The following CBX5 variants were observed in gnomAD, a reference collection of about 807,000 sequenced individuals.
CBX5 encodes chromobox 5.
In CBX5, 7 loss-of-function variants were observed where a neutral mutation model predicts 20.7. The ratio of observed to expected loss-of-function variants is 0.34; its 90% confidence interval spans 0.19 to 0.63. The LOEUF (loss-of-function observed/expected upper bound fraction) is 0.63. CBX5 is among the 30% of genes least tolerant of loss of function. The probability of loss-of-function intolerance (pLI) is 0.75; values close to 1 mark genes in which losing one functional copy is unlikely to be tolerated. For missense variants in CBX5, 110 were observed against 224.1 expected (o/e 0.49, Z 3.25); for synonymous variants, 78 against 77.0 (o/e 1.01, Z -0.07).
chr12:54,243,039 A>G (rs1943694611), intron 4 of CBX5, among the ~76,000 whole-genome samples: 1 of 152,030 alleles, frequency 6.6e-6, no homozygotes, highest in Non-Finnish European at 1.5e-5. Flanking sequence ...TGGGAGGATC[A>G]CTTGGGCTTG....
chr12:54,261,106 G>A (rs978262796), intron 1 of CBX5, among the ~76,000 whole-genome samples: 2 of 149,858 alleles, frequency 1.3e-5, no homozygotes, highest in Non-Finnish European at 3.0e-5. Context: ...CAGGAGAATC[G>A]CTTGAACCTG....
intron 2 of CBX5, 152 bp from the exon 3 acceptor site, chr12:54,252,379 C>A (rs1943815221): frequency 7.1e-6 from 3 of 419,990 alleles, no homozygotes; most frequent in East Asian, 3.8e-5. Context: ...TCCTAGATTT[C>A]TACCCAGGAA....
intron 2 of CBX5, among the ~76,000 whole-genome samples, chr12:54,254,658 T>C (rs1488992000): frequency 6.6e-6 from 1 of 151,836 alleles, no homozygotes; most frequent in Non-Finnish European, 1.5e-5. Flanking sequence ...GTCGAGACCA[T>C]CCTGGCCAAC....
chr12:54,253,917 A>T (rs1943835079), intron 2 of CBX5, among the ~76,000 whole-genome samples: 1 of 151,444 alleles, frequency 6.6e-6, no homozygotes. Context: ...TGCGCCACCA[A>T]TTTTTGTATT....
intron 4 of CBX5, among the ~76,000 whole-genome samples, chr12:54,244,317 TATA>T (rs754472064): frequency 6.0e-4 from 91 of 151,942 alleles, no homozygotes; most frequent in Non-Finnish European, 1.2e-3. Flanking sequence ...CGGCCTTGAT[TATA>T]CAACTTTTAA....
chr12:54,252,926 A>G (rs771924018), intron 2 of CBX5, among the ~76,000 whole-genome samples: 13 of 146,728 alleles, frequency 8.9e-5, no homozygotes, highest in Admixed American at 3.5e-4. Flanking sequence ...GGGAGGTTGC[A>G]GTGAGCTGAG....
At chr12:54,258,938 T>C (rs963105549) in intron 1 of CBX5, among the ~76,000 whole-genome samples, 3 of 152,064 alleles carry the variant, frequency 2.0e-5, no homozygotes, top group Non-Finnish European at 2.9e-5. Context: ...CACTTCAAAT[T>C]AGCAAAATTT....
intron 4 of CBX5, among the ~76,000 whole-genome samples, chr12:54,243,868 C>CA (rs903484058): frequency 6.8e-4 from 104 of 152,008 alleles, no homozygotes; most frequent in African/African-American, 2.4e-3. Flanking sequence ...GACGCTGTCT[C>CA]AAAAAAACAA....
At chr12:54,260,446 A>C (rs1009736735) in intron 1 of CBX5, among the ~76,000 whole-genome samples, 1 of 152,090 alleles carries the variant, frequency 6.6e-6, no homozygotes, top group African/African-American at 2.4e-5. Context: ...GTGAGCCTAG[A>C]TCGCACCACT....
At chr12:54,246,983 T>C (rs1943744149) in intron 3 of CBX5, among the ~76,000 whole-genome samples, 1 of 152,110 alleles carries the variant, frequency 6.6e-6, no homozygotes, top group Non-Finnish European at 1.5e-5. Flanking sequence ...TCAATCTTTA[T>C]TTTTTTAGAC....
rs1943636501 is a variant in CBX5 at position 54,237,618 on chromosome 12, G to A, written c.*4137C>T. ...GAAAAATTTAGAAATATAGCATTGTGAGCAAAAAACAGAAGCTTGTTTTGG... is the reference window on the plus strand; with the variant it reads ...GAAAAATTTAGAAATATAGCATTGTAAGCAAAAAACAGAAGCTTGTTTTGG... On this transcript the variant is annotated 3_prime_UTR_variant, in exon 5 of 5. Transcript: ENST00000209875. 1 of 152,786 alleles carries A rather than the reference G, an allele frequency of 6.5e-6. No homozygotes were observed. 9.5% of individuals were successfully genotyped at this position (152,786 alleles called of 1,614,324 possible).
In CBX5 at chr12:54,260,033, G is replaced by A. The variant is rs920541568; in HGVS notation, c.-42-2341C>T. ...TGTCACAGAACAGTTAATTAAAATT[G>A]CTTGAGGGGAAAAATAACAGGAAAC... On this transcript the variant is annotated intron_variant, in intron 1 of 4. Transcript: ENST00000209875. Among the ~76,000 whole-genome samples, 12 of 151,862 alleles carry A rather than the reference G, an allele frequency of 7.9e-5. 1 individual carries two copies. Among genetic ancestry groups the A allele is most frequent in the African/African-American group, 2.9e-4 (12 of 41,302 alleles).
Position 54,257,822 on chromosome 12 carries a change from A to G in CBX5, c.-42-130T>C, listed in dbSNP as rs1203466242. The G allele has an allele frequency of 7.9e-6, 5 of 632,160 alleles. No individual in the cohort carries two copies. The South Asian group carries it at 9.8e-5, about 12-fold the overall frequency. 39.2% of individuals were successfully genotyped at this position (632,160 alleles called of 1,614,324 possible). A position where few individuals can be genotyped will look rare whatever the true frequency, so the allele number is the denominator to read the frequency against. ...CTGCTCTTGAGTCTCAAATCATTCTACAGATGAGTCCTAAGAGTTTAATTT... is the reference window on the plus strand; with the variant it reads ...CTGCTCTTGAGTCTCAAATCATTCTGCAGATGAGTCCTAAGAGTTTAATTT... On this transcript the variant is annotated intron_variant, in intron 1 of 4. Transcript: ENST00000209875.
At chr12:54,277,147 C>T (rs906022713) in intron 1 of CBX5, 1 of 152,228 alleles carries the variant, frequency 6.6e-6, no homozygotes, top group East Asian at 1.9e-4. Flanking sequence ...ATTATCCCGT[C>T]TCAGCCTCCT....
chr12:54,267,504 G>A (rs1308855755), intron 1 of CBX5, among the ~76,000 whole-genome samples: 1 of 151,636 alleles, frequency 6.6e-6, no homozygotes, highest in African/African-American at 2.4e-5. Flanking sequence ...GTTAAGTCAG[G>A]CAATTTTTCT....
chr12:54,269,037 C>T (rs1420039902), intron 1 of CBX5, among the ~76,000 whole-genome samples: 3 of 152,090 alleles, frequency 2.0e-5, no homozygotes, highest in Non-Finnish European at 4.4e-5. Context: ...CTGAGGTGGG[C>T]GCATCACGAG....
chr12:54,257,707 G>A lies in CBX5; in HGVS notation c.-42-15C>T. The A allele has an allele frequency of 6.2e-7, 1 of 1,601,218 alleles. No homozygotes were observed. Among genetic ancestry groups the A allele is most frequent in the Middle Eastern group, 1.7e-4 (1 of 6,018 alleles). ...CCACCAGGTCCCTGCAAAGGCAAAG[G>A]ACAAAATGGTTAGAATCCATGTGAG... On this transcript the variant is annotated splice_polypyrimidine_tract_variant and intron_variant, in intron 1 of 4. Coordinates refer to ENST00000209875, the MANE Select transcript of CBX5 (RefSeq NM_012117.3).
intron 1 of CBX5, among the ~76,000 whole-genome samples, chr12:54,274,500 C>A (rs1372555754): frequency 6.6e-6 from 1 of 152,124 alleles, no homozygotes; most frequent in Non-Finnish European, 1.5e-5. Context: ...CATAACACAG[C>A]TTTAGGCCCA....
At chr12:54,251,085 C>T (rs1032005033) in intron 3 of CBX5, among the ~76,000 whole-genome samples, 1 of 150,758 alleles carries the variant, frequency 6.6e-6, no homozygotes, top group Non-Finnish European at 1.5e-5. Flanking sequence ...GAGCCAAGAT[C>T]GCACTATTGC....
Sources: gnomAD v4.1 joint callset for allele counts (sites outside exome capture counted in the v4.1 genomes callset) on GRCh38, gnomAD v4.1.1 for gene constraint, MANE v1.5 for transcripts, NCBI Gene and HGNC (gene_info 2026-07-23, HGNC 2026-07-21) for gene names.